The following GMPR2 variants were observed in gnomAD, a reference collection of about 807,000 sequenced individuals.
GMPR2 encodes GMP reductase 2.
GMPR2 carries 32 observed loss-of-function variants against 38.5 expected under a neutral mutation model. That is an observed-to-expected ratio of 0.83 (90% CI 0.63 to 1.12). The LOEUF is 1.12. Ranked by LOEUF, GMPR2 falls within the 50% of genes most tolerant of loss-of-function variation. The pLI is 0.00. For missense variants in GMPR2, 396 were observed against 432.1 expected (o/e 0.92, Z 0.74); for synonymous variants, 154 against 151.0 (o/e 1.02, Z -0.15).
intron 8 of GMPR2, chr14:24,237,972 A>G (rs1185644484): frequency 2.1e-6 from 1 of 483,350 alleles, no homozygotes; most frequent in Non-Finnish European, 3.7e-6. Context: ...AAATGACCAG[A>G]CGATGATGGT....
At chr14:24,237,408 G>A in intron 7 of GMPR2, 57 bp downstream of exon 7, 3 of 1,472,678 alleles carry the variant, frequency 2.0e-6, no homozygotes, top group Admixed American at 3.3e-5. Context: ...TATGGAGGTG[G>A]CAGAGATGGA....
chr14:24,236,958 G>C, intron 5 of GMPR2, 113 bp from the exon 6 acceptor site: 1 of 849,308 alleles, frequency 1.2e-6, no homozygotes, highest in Non-Finnish European at 1.9e-6. Flanking sequence ...AGGGGACCTA[G>C]TTATCCTTTC....
chr14:24,238,219 T>C, intron 8 of GMPR2, 27 bp from the exon 9 acceptor site: 1 of 1,588,546 alleles, frequency 6.3e-7, no homozygotes, highest in Non-Finnish European at 8.6e-7. Context: ...CAGATTAATC[T>C]CTTTCCCCCC....
At position 24,238,938 on chromosome 14, in the gene GMPR2, G is replaced by A. The variant is rs2040485669; in HGVS notation, c.*160G>A. Reference sequence around the variant, plus strand: ...GCAGTAACTCTGTACTTCTCTATCTGCACACACAAAATGCCCAAGGCACTC... The same window carrying A: ...GCAGTAACTCTGTACTTCTCTATCTACACACACAAAATGCCCAAGGCACTC... On this transcript the variant is annotated 3_prime_UTR_variant, in exon 10 of 10. Transcript: ENST00000399440. 2.8e-6 allele frequency: 2 copies of A among 707,754 alleles called. No homozygotes were observed. Among genetic ancestry groups the A allele is most frequent in the Non-Finnish European group, 2.5e-6 (1 of 393,650 alleles). The allele number at this position is 707,754 out of a possible 1,614,324, so 43.8% of individuals were successfully genotyped here. A position where few individuals can be genotyped will look rare whatever the true frequency, so the allele number is the denominator to read the frequency against.
chr14:24,235,453 C>T, intron 3 of GMPR2: 1 of 461,326 alleles, frequency 2.2e-6, no homozygotes, highest in Non-Finnish European at 3.9e-6. Context: ...CAGCTTGTCA[C>T]CTTTTAAGTC....
intron 3 of GMPR2, chr14:24,234,380 G>C (rs150297935): frequency 2.9e-4 from 112 of 391,236 alleles, no homozygotes; most frequent in Non-Finnish European, 4.5e-4. Flanking sequence ...TTTGATTGCT[G>C]TGTCTTTGTG....
At position 24,238,851 on chromosome 14, in the gene GMPR2, C is replaced by T. The variant is rs1328603899; in HGVS notation, c.*73C>T. 1.6e-6 allele frequency: 2 copies of T among 1,222,762 alleles called. No homozygotes were observed. The highest frequency in any genetic ancestry group is 1.2e-5 in the South Asian group (1 of 81,922). 75.7% of individuals were successfully genotyped at this position (1,222,762 alleles called of 1,614,324 possible). On this transcript the variant is annotated 3_prime_UTR_variant, in exon 10 of 10. Transcript: ENST00000399440. Reference sequence around the variant, plus strand: ...CATCCCAAGTGGGGTCCTCACCCATCCCAGCTACTGCAGCTCTGTATTACT... The same window carrying T: ...CATCCCAAGTGGGGTCCTCACCCATTCCAGCTACTGCAGCTCTGTATTACT...
rs1005145907 is a variant in GMPR2, at chr14:24,236,033, A to G, written c.358A>G (p.Ile120Val). 3.1e-6 allele frequency: 5 copies of G among 1,613,414 alleles called. No individual in the cohort carries two copies. The highest frequency in any genetic ancestry group is 4.2e-6 in the Non-Finnish European group (5 of 1,179,422). The change falls in exon 5 of 10, where the codon ATT (isoleucine) becomes GTT (valine). Residue 120 changes from isoleucine (I) to valine (V), a missense_variant. Coordinates refer to ENST00000399440, the MANE Select transcript of GMPR2 (RefSeq NM_001002002.3). Reference sequence around the variant, plus strand: ...GCAGCTGGAACAGATCCTGGAAGCTATTCCCCAGGTGAAGTATATATGCCT... The same window carrying G: ...GCAGCTGGAACAGATCCTGGAAGCTGTTCCCCAGGTGAAGTATATATGCCT... Reference protein sequence around the residue: ...FEQLEQILEAIPQVKYICLDV... With the variant: ...FEQLEQILEAVPQVKYICLDV...
intron 8 of GMPR2, chr14:24,237,910 T>G: frequency 2.1e-6 from 1 of 471,590 alleles, no homozygotes; most frequent in South Asian, 3.6e-5. Context: ...TTGGGGATCT[T>G]TGCTCTTGGG....
Position 24,238,392 on chromosome 14 carries a change from G to C in GMPR2, c.844G>C (p.Val282Leu). ...EMAMKKYAGG[V>L]AEYRASEGKT... The stretch of plus-strand genomic sequence containing the variant: ...GGCCATGAAGAAGTATGCTGGGGGC[G>C]TGGCTGAGTACAGGTATGTGTGGAG... The change falls in exon 9 of 10, where the codon GTG becomes CTG. Residue 282 changes from valine to leucine, a missense_variant. By Grantham distance (32) the Val-to-Leu change is conservative. Coordinates refer to ENST00000399440, the MANE Select transcript of GMPR2 (RefSeq NM_001002002.3). The C allele has an allele frequency of 6.2e-7, 1 of 1,614,096 alleles. No homozygotes were observed. Among genetic ancestry groups the C allele is most frequent in the Non-Finnish European group, 8.5e-7 (1 of 1,180,020 alleles).
rs776219865 is a variant in GMPR2, at chr14:24,233,162, G to GT, written c.-35-56dup. 67 of 1,610,084 alleles carry GT rather than the reference G, an allele frequency of 4.2e-5. No individual in the cohort carries two copies. The East Asian group carries it at 8.0e-4, about 19-fold the overall frequency. On this transcript the variant is annotated intron_variant, in intron 1 of 9. Coordinates refer to ENST00000399440, the MANE Select transcript of GMPR2 (RefSeq NM_001002002.3). Reference sequence around the variant, plus strand: ...CTTAAGCGAAGAGAGGCCACCAGCCGTAACAGGGCGTTAAAGCCCAGGGGA... The same window carrying GT: ...CTTAAGCGAAGAGAGGCCACCAGCCGTTAACAGGGCGTTAAAGCCCAGGGGA...
intron 9 of GMPR2, 52 bp from the exon 10 acceptor site, chr14:24,238,537 T>C: frequency 4.3e-6 from 7 of 1,614,080 alleles, no homozygotes; most frequent in Non-Finnish European, 5.9e-6. Context: ...GAAAAGTCCC[T>C]GGGCTTAAGG....
In GMPR2 at chr14:24,235,780, A is replaced by G. The variant is rs2040311092; in HGVS notation, c.251A>G (p.Gln84Arg). 1 of 1,613,672 alleles carries G rather than the reference A, an allele frequency of 6.2e-7. No individual in the cohort carries two copies. The highest frequency in any genetic ancestry group is 1.7e-5 in the Admixed American group (1 of 60,008). The change falls in exon 4 of 10, where the codon CAG (glutamine) becomes CGG (arginine). Residue 84 changes from glutamine (Q) to arginine (R), a missense_variant. Physicochemically the swap from Gln to Arg is conservative, Grantham distance 43 (BLOSUM62 1). Transcript: ENST00000399440. ...TAVHKHYSLVQWQEFAGQNPD... is the reference protein window; with the variant it reads ...TAVHKHYSLVRWQEFAGQNPD... The stretch of plus-strand genomic sequence containing the variant: ...GTCCATAAGCACTATAGCCTCGTTC[A>G]GTGGCAAGAGTTTGCTGGCCAGAAT...
At chr14:24,237,831 G>T in intron 8 of GMPR2, 1 of 545,878 alleles carries the variant, frequency 1.8e-6, no homozygotes, top group Non-Finnish European at 3.2e-6. Flanking sequence ...TAGGCTCTGA[G>T]GAATGGGACA....
upstream of GMPR2, chr14:24,232,774 G>A (rs1018555491): frequency 8.6e-6 from 2 of 233,596 alleles, no homozygotes; most frequent in Non-Finnish European, 1.7e-5. Context: ...AGAAGGCTTA[G>A]CGGGATTGCA....
intron 3 of GMPR2, 135 bp from the exon 4 acceptor site, chr14:24,235,602 G>C (rs905493657): frequency 4.3e-6 from 3 of 697,096 alleles, no homozygotes; most frequent in Non-Finnish European, 7.8e-6. Flanking sequence ...TCAAATCCCA[G>C]CTCAACCTGA....
Position 24,238,867 on chromosome 14 carries a change from C to A in GMPR2, c.*89C>A. On this transcript the variant is annotated 3_prime_UTR_variant, in exon 10 of 10. Transcript: ENST00000399440. Reference sequence around the variant, plus strand: ...CTCACCCATCCCAGCTACTGCAGCTCTGTATTACTTTGTCATTTCCTGTTG... The same window carrying A: ...CTCACCCATCCCAGCTACTGCAGCTATGTATTACTTTGTCATTTCCTGTTG... The A allele has an allele frequency of 9.3e-7, 1 of 1,072,752 alleles. No homozygotes were observed. The highest frequency in any genetic ancestry group is 1.4e-6 in the Non-Finnish European group (1 of 709,670). The allele number at this position is 1,072,752 out of a possible 1,614,324, so 66.5% of individuals were successfully genotyped here.
At chr14:24,236,323 CCCTTGGTTCATAGT>C (rs2040343707) in intron 5 of GMPR2, among the ~76,000 whole-genome samples, 183 bp downstream of exon 5, 1 of 152,044 alleles carries the variant, frequency 6.6e-6, no homozygotes, top group Non-Finnish European at 1.5e-5. Context: ...GTATCTCTGA[CCCTTGGTTCATAGT>C]CTTTGTAAAT....
chr14:24,238,726 C>T lies in GMPR2; in HGVS notation c.995C>T (p.Thr332Ile), dbSNP rs1409718582. 11 of 1,613,870 alleles carry T rather than the reference C, an allele frequency of 6.8e-6. No individual in the cohort carries two copies. Among genetic ancestry groups the T allele is most frequent in the African/African-American group, 1.3e-5 (1 of 74,890 alleles). ...CTCAAAGAGTTGAGCAGGAGAACTA[C>T]CTTCATCCGAGTCACCCAGCAGGTG... is the stretch of plus-strand genomic sequence containing the variant. ...AKLKELSRRT[T>I]FIRVTQQVNP... The change falls in exon 10 of 10, where the codon ACC (threonine) becomes ATC (isoleucine). Residue 332 changes from threonine (T) to isoleucine (I), a missense_variant. Coordinates refer to ENST00000399440, the MANE Select transcript of GMPR2 (RefSeq NM_001002002.3).
Sources: gnomAD v4.1 joint callset for allele counts (sites outside exome capture counted in the v4.1 genomes callset) on GRCh38, gnomAD v4.1.1 for gene constraint, MANE v1.5 for transcripts, NCBI Gene and HGNC (gene_info 2026-07-23, HGNC 2026-07-21) for gene names.